CENPE: variants seen among roughly 807,000 people sequenced by gnomAD.
CENPE encodes the protein centromere protein E.
Under a neutral mutation model 336.1 loss-of-function variants are expected in CENPE, and 145 were observed. The ratio of observed to expected loss-of-function variants is 0.43; its 90% CI spans 0.38 to 0.50. The LOEUF (loss-of-function observed/expected upper bound fraction) is 0.50, where lower values mean the gene tolerates loss of function less well. CENPE is among the 20% of genes least tolerant of loss of function. The probability of loss-of-function intolerance (pLI) is 0.00; values close to 1 mark genes in which losing one functional copy is unlikely to be tolerated. For synonymous variants in CENPE, 1,013 were observed against 984.8 expected, an observed-to-expected ratio of 1.03 and a Z score of -0.54; for missense variants, 2,719 against 3,023.3, an observed-to-expected ratio of 0.90 and a Z score of 2.36.
At position 103,145,521 on chromosome 4, in the gene CENPE, A is replaced by G. The variant is rs1752966474; in HGVS notation, c.4572+2T>C. On this transcript the variant is annotated splice_donor_variant, in intron 31 of 48. Coordinates refer to ENST00000265148, the MANE Select transcript of CENPE (RefSeq NM_001813.3). LOFTEE classifies it high-confidence loss of function. ...CCCACTGTTTCTTCATCCCCAATTTACCTTGTTCTGTAATTTATCATTGAT... is the reference window on the plus strand; with the variant it reads ...CCCACTGTTTCTTCATCCCCAATTTGCCTTGTTCTGTAATTTATCATTGAT... 6.3e-7 allele frequency: 1 copy of G among 1,597,852 alleles called. No homozygotes were observed. Among genetic ancestry groups the G allele is most frequent in the African/African-American group, 1.4e-5 (1 of 74,052 alleles).
chr4:103,181,973 G>A (rs1195700782), intron 11 of CENPE: 2 of 152,440 alleles, frequency 1.3e-5, no homozygotes, highest in African/African-American at 4.8e-5. Flanking sequence ...GTTTCTCAGA[G>A]TATAAGTACC....
intron 5 of CENPE, 21 bp from the exon 6 acceptor site, chr4:103,194,705 G>A: frequency 6.4e-7 from 1 of 1,560,040 alleles, no homozygotes; most frequent in Non-Finnish European, 8.7e-7. Context: ...TTTAATTATG[G>A]AAAGATTAGA....
chr4:103,145,031 AAAT>A lies in CENPE; in HGVS notation c.4857+16_4857+18del. ...CTATTTCTGTATCCAAAAAAAAAAA[AAAT>A]AAGATGGGAACTTACTTTAGCTACA... On this transcript the variant is annotated intron_variant, in intron 32 of 48. Transcript: ENST00000265148. The A allele has an allele frequency of 6.7e-7, 1 of 1,485,218 alleles. No homozygotes were observed. The highest frequency in any genetic ancestry group is 8.9e-7 in the Non-Finnish European group (1 of 1,120,510). The allele number at this position is 1,485,218 out of a possible 1,614,324, so 92.0% of individuals were successfully genotyped here. A position where few individuals can be genotyped will look rare whatever the true frequency, so the allele number is the denominator to read the frequency against.
chr4:103,151,559 T>C (rs1753576758), intron 25 of CENPE, among the ~76,000 whole-genome samples, 182 bp from the exon 26 acceptor site: 1 of 152,210 alleles, frequency 6.6e-6, no homozygotes, highest in African/African-American at 2.4e-5. Context: ...GAATCTGCTT[T>C]TTATACTGTT....
intron 25 of CENPE, 105 bp from the exon 26 acceptor site, chr4:103,151,482 GA>G (rs1753567939): frequency 1.2e-6 from 1 of 840,626 alleles, no homozygotes; most frequent in Admixed American, 3.7e-5. Flanking sequence ...AGAAATCAGG[GA>G]AAACTATATA....
chr4:103,148,320 C>T (rs1364860072), intron 28 of CENPE, among the ~76,000 whole-genome samples: 1 of 152,166 alleles, frequency 6.6e-6, no homozygotes, highest in African/African-American at 2.4e-5. Context: ...TTCAGATGGG[C>T]TCCAATGCTA....
At position 103,161,421 on chromosome 4, in the gene CENPE, G is replaced by C. The variant is rs1218283167; in HGVS notation, c.1879C>G (p.Leu627Val). The stretch of plus-strand genomic sequence containing the variant: ...AGGGCTACAGTTTCAGCATCAAACA[G>C]AGTCTGCTTCATTTGTTTTGGGTCT... ...IEDPKQMKQT[L>V]FDAETVALDA... Residue 627 changes from leucine to valine, a missense_variant, in exon 19 of 49, where the codon CTG (leucine) becomes GTG (valine). By Grantham distance (32) the Leu-to-Val change is conservative. Coordinates refer to ENST00000265148, the MANE Select transcript of CENPE (RefSeq NM_001813.3). The C allele has an allele frequency of 6.2e-7, 1 of 1,612,000 alleles. No individual in the cohort carries two copies. The highest frequency in any genetic ancestry group is 1.3e-5 in the African/African-American group (1 of 74,844).
At position 103,149,259 on chromosome 4, in the gene CENPE, A is replaced by C. The variant is rs774799856; in HGVS notation, c.3546T>G (p.Leu1182=). 1 of 1,613,132 alleles carries C rather than the reference A, an allele frequency of 6.2e-7. No individual in the cohort carries two copies. The highest frequency in any genetic ancestry group is 8.5e-7 in the Non-Finnish European group (1 of 1,179,866). The stretch of plus-strand genomic sequence containing the variant: ...TTTCATTAAGTTTCTGAGCCAACTC[A>C]AGCCTCTCTGTTTCCATATGTTCCA... ...LTLEHMETER[L]ELAQKLNENY... is the part of the protein sequence containing the mutation. The change falls in exon 27 of 49, where the codon CTT becomes CTG. Residue 1182 remains leucine (L), a synonymous_variant. Coordinates refer to ENST00000265148, the MANE Select transcript of CENPE (RefSeq NM_001813.3).
chr4:103,156,769 T>C (rs1036383717), intron 24 of CENPE, among the ~76,000 whole-genome samples: 1 of 152,000 alleles, frequency 6.6e-6, no homozygotes, highest in Non-Finnish European at 1.5e-5. Context: ...TATCAAAGGA[T>C]ACAATCAACA....
chr4:103,192,733 TC>T (rs1239330301), intron 8 of CENPE, among the ~76,000 whole-genome samples: 2 of 152,148 alleles, frequency 1.3e-5, no homozygotes, highest in Admixed American at 6.5e-5. Flanking sequence ...GAAAATAGTT[TC>T]GTTTTAGACA....
rs1749161112 is a variant in CENPE, at chr4:103,109,090, C to T, written c.7725-1G>A. The T allele has an allele frequency of 6.2e-7, 1 of 1,600,334 alleles. No individual in the cohort carries two copies. The highest frequency in any genetic ancestry group is 8.5e-7 in the Non-Finnish European group (1 of 1,173,838). ...CTCATTGGAAAGATGCTGATTATTG[C>T]TTAAATGTGGGGGAAGAAAAGAGAG... On this transcript the variant is annotated splice_acceptor_variant, in intron 47 of 48. Coordinates refer to ENST00000265148, the MANE Select transcript of CENPE (RefSeq NM_001813.3). LOFTEE classifies it high-confidence loss of function.
chr4:103,129,244 A>G (rs1751381802), intron 42 of CENPE, among the ~76,000 whole-genome samples: 1 of 152,210 alleles, frequency 6.6e-6, no homozygotes. Context: ...AACAGAAAGC[A>G]CCAGGTCCAG....
In CENPE at chr4:103,160,605, G is replaced by A. The variant is rs1267593738; in HGVS notation, c.2286+20C>T. On this transcript the variant is annotated intron_variant, in intron 21 of 48. Coordinates refer to ENST00000265148, the MANE Select transcript of CENPE (RefSeq NM_001813.3). Reference sequence around the variant, plus strand: ...GTTTTTATTTCAAAATAAGGGATAAGTGCTTATAAATGTGTTTACCTCTTT... The same window carrying A: ...GTTTTTATTTCAAAATAAGGGATAAATGCTTATAAATGTGTTTACCTCTTT... The A allele has an allele frequency of 6.3e-7, 1 of 1,587,430 alleles. No individual in the cohort carries two copies. The highest frequency in any genetic ancestry group is 8.5e-7 in the Non-Finnish European group (1 of 1,169,928).
intron 39 of CENPE, among the ~76,000 whole-genome samples, chr4:103,136,787 A>C (rs1349472476): frequency 6.6e-6 from 1 of 152,148 alleles, no homozygotes; most frequent in Non-Finnish European, 1.5e-5. Flanking sequence ...AGTGATTAAG[A>C]ATCAAACCAC....
intron 42 of CENPE, among the ~76,000 whole-genome samples, chr4:103,129,707 G>A (rs566432798): frequency 1.3e-4 from 20 of 151,950 alleles, no homozygotes; most frequent in Admixed American, 1.3e-3. Flanking sequence ...CTGGGAGACA[G>A]AGTGAGACTC....
chr4:103,134,391 T>C (rs1314456312), intron 40 of CENPE, among the ~76,000 whole-genome samples: 1 of 152,016 alleles, frequency 6.6e-6, no homozygotes, highest in Non-Finnish European at 1.5e-5. Context: ...TCCCAGCACT[T>C]TGGGAGGCTG....
Position 103,133,759 on chromosome 4 carries a change from C to T in CENPE, c.6656G>A (p.Cys2219Tyr). 14 of 1,612,306 alleles carry T rather than the reference C, an allele frequency of 8.7e-6. No homozygotes were observed. Among genetic ancestry groups the T allele is most frequent in the Non-Finnish European group, 1.2e-5 (14 of 1,178,966 alleles). Reference protein sequence around the residue: ...LIKIQHLQQDCDVPSRELRDL... With the variant: ...LIKIQHLQQDYDVPSRELRDL... The stretch of plus-strand genomic sequence containing the variant: ...CCTTAATTCTCTGGATGGTACATCA[C>T]AATCTTGTTGAAGGTGCTGTATTTT... Residue 2219 changes from cysteine to tyrosine, a missense_variant, in exon 41 of 49, where the codon TGT becomes TAT. By Grantham distance (194) the Cys-to-Tyr change is radical (BLOSUM62 -2). Transcript: ENST00000265148.
intron 24 of CENPE, among the ~76,000 whole-genome samples, chr4:103,155,615 A>G (rs74777231): frequency 1.5e-3 from 228 of 152,288 alleles, no homozygotes; most frequent in African/African-American, 5.3e-3. Context: ...GTTGAGGGTA[A>G]ATTTCAAATT....
chr4:103,193,370 G>A (rs1560685718), intron 8 of CENPE, among the ~76,000 whole-genome samples: 1 of 152,062 alleles, frequency 6.6e-6, no homozygotes, highest in Non-Finnish European at 1.5e-5. Context: ...GTGAAATTAG[G>A]ATTGAATATT....
Sources: gnomAD v4.1 joint callset for allele counts (sites outside exome capture counted in the v4.1 genomes callset) on GRCh38, gnomAD v4.1.1 for gene constraint, MANE v1.5 for transcripts, NCBI Gene and HGNC (gene_info 2026-07-23, HGNC 2026-07-21) for gene names.